The following ABCA10 variants were observed in gnomAD, a reference collection of about 807,000 sequenced individuals.
ABCA10 encodes ATP-binding cassette sub-family A member 10.
Under a neutral mutation model 187.5 loss-of-function variants are expected in ABCA10, and 169 were observed. That is an observed-to-expected ratio of 0.90 (90% CI 0.80 to 1.02). The LOEUF (loss-of-function observed/expected upper bound fraction) is 1.02. ABCA10 is among the 50% of genes least tolerant of loss of function. The pLI, the probability that ABCA10 is intolerant of heterozygous loss-of-function variation, is 0.00. For missense variants in ABCA10, 1,727 were observed against 1,812.4 expected (o/e 0.95, Z 0.86); for synonymous variants, 574 against 601.8 (o/e 0.95, Z 0.68).
chr17:69,174,795 G>A lies in ABCA10; in HGVS notation c.2878-18C>T. The A allele has an allele frequency of 6.5e-7, 1 of 1,537,854 alleles. No homozygotes were observed. Among genetic ancestry groups the A allele is most frequent in the East Asian group, 2.3e-5 (1 of 44,178 alleles). ...ACATTTTTCTGACAAAGAATAGAAG[G>A]GATAGAGGAAGGGATCTTAGTTTGA... is the stretch of plus-strand genomic sequence containing the variant. On this transcript the variant is annotated intron_variant, in intron 23 of 38. Transcript: ENST00000690296.
chr17:69,174,870 A>C (rs1322540095), intron 23 of ABCA10, 93 bp from the exon 24 acceptor site: 1 of 1,118,778 alleles, frequency 8.9e-7, no homozygotes, highest in Non-Finnish European at 1.2e-6. Context: ...TTTTAGAAAT[A>C]GTATGTTATA....
intron 27 of ABCA10, among the ~76,000 whole-genome samples, chr17:69,160,998 T>C (rs2074213400): frequency 6.6e-6 from 1 of 152,204 alleles, no homozygotes; most frequent in Non-Finnish European, 1.5e-5. Context: ...GTAGAAGTAA[T>C]GCAAATGTTT....
At chr17:69,222,484 A>T in intron 4 of ABCA10, 49 bp downstream of exon 4, 1 of 1,392,694 alleles carries the variant, frequency 7.2e-7, no homozygotes, top group Admixed American at 2.6e-5. Flanking sequence ...CAAACAGGGG[A>T]TTCCATGAAG....
chr17:69,241,872 A>G (rs1399732393), intron 1 of ABCA10, among the ~76,000 whole-genome samples: 2 of 152,228 alleles, frequency 1.3e-5, no homozygotes, highest in Non-Finnish European at 2.9e-5. Flanking sequence ...ACAATAAAAT[A>G]TTTGTGAATA....
chr17:69,167,951 T>C (rs1287569405), intron 25 of ABCA10, among the ~76,000 whole-genome samples: 1 of 152,112 alleles, frequency 6.6e-6, no homozygotes, highest in Non-Finnish European at 1.5e-5. Context: ...TCCACCTCTT[T>C]CACCTCTGAC....
intron 25 of ABCA10, among the ~76,000 whole-genome samples, chr17:69,170,117 G>A (rs2074286206): frequency 6.6e-6 from 1 of 151,842 alleles, no homozygotes; most frequent in Non-Finnish European, 1.5e-5. Context: ...GTGAAACTCT[G>A]TCTTTATTAA....
intron 27 of ABCA10, among the ~76,000 whole-genome samples, chr17:69,159,564 CAGAG>C (rs1282861772): frequency 2.0e-5 from 3 of 152,054 alleles, no homozygotes; most frequent in African/African-American, 7.2e-5. Flanking sequence ...ATTCATCACT[CAGAG>C]AGAAGCAACA....
chr17:69,184,916 TACACACACACACAC>T (rs142309537), intron 20 of ABCA10, among the ~76,000 whole-genome samples: 1 of 141,556 alleles, frequency 7.1e-6, no homozygotes, highest in Non-Finnish European at 1.6e-5. Context: ...ACTTTTTAAA[TACACACACACACAC>T]ACACACACAC....
In ABCA10 at chr17:69,162,976, T is replaced by C. The variant is rs181519766; in HGVS notation, c.3363+1098A>G. On this transcript the variant is annotated intron_variant, in intron 27 of 38. Transcript: ENST00000690296. ...CCTCAGCCTCCCGAGTAGCTGGAAT[T>C]ACAGGCACATGCCAGCACGCCCAGC... Among the ~76,000 whole-genome samples the C allele has an allele frequency of 4.1e-3, 627 of 152,022 alleles. 2 individuals carry two copies. The highest frequency in any genetic ancestry group is 0.014 in the African/African-American group (599 of 41,470).
chr17:69,182,706 T>C lies in ABCA10; in HGVS notation c.2600A>G (p.Asn867Ser), dbSNP rs1208106027. 3.1e-6 allele frequency: 5 copies of C among 1,610,300 alleles called. No individual in the cohort carries two copies. The highest frequency in any genetic ancestry group is 2.2e-5 in the East Asian group (1 of 44,816). ...GTCACCAGACACTATGATGGCTCCA[T>C]TGTAGGAGGGATCATCTGAGCCATT... is the stretch of plus-strand genomic sequence containing the variant. ...NRNGSDDPSY[N>S]GAIIVSGDQK... is the part of the protein sequence containing the mutation. The change falls in exon 21 of 39, where the codon AAT becomes AGT. Residue 867 changes from asparagine to serine, a missense_variant. Coordinates refer to ENST00000690296, the MANE Select transcript of ABCA10 (RefSeq NM_001377321.1).
rs111507740 is a variant in ABCA10, at chr17:69,182,269, A to G, written c.2653T>C (p.Cys885Arg). 1.9e-6 allele frequency: 3 copies of G among 1,569,056 alleles called. No individual in the cohort carries two copies. In the East Asian group the frequency reaches 7.0e-5, roughly 37 times the overall value. The change falls in exon 22 of 39, where the codon TGT becomes CGT. Residue 885 changes from cysteine to arginine, a missense_variant. Cys to Arg is a radical substitution (Grantham distance 180). Coordinates refer to ENST00000690296, the MANE Select transcript of ABCA10 (RefSeq NM_001377321.1). ...DQKDYRFSVA[C>R]NTKKLNCFPV... ...AAACAATTCAATTTCTTGGTATTAC[A>G]CGCAACAGAAAATCTGTAATCCTTG...
intron 20 of ABCA10, 38 bp downstream of exon 20, chr17:69,185,439 A>G: frequency 6.4e-7 from 1 of 1,567,500 alleles, no homozygotes; most frequent in Non-Finnish European, 8.7e-7. Context: ...GATCTTTGAT[A>G]ATAAAAACTC....
At chr17:69,212,154 G>A (rs998857344) in intron 9 of ABCA10, among the ~76,000 whole-genome samples, 4 of 152,052 alleles carry the variant, frequency 2.6e-5, no homozygotes, top group Non-Finnish European at 5.9e-5. Context: ...TTTCTGTATC[G>A]CAGGGGTTTT....
At position 69,193,224 on chromosome 17, in the gene ABCA10, C is replaced by G. The variant is rs1281306089; in HGVS notation, c.1666G>C (p.Ala556Pro). 1.2e-6 allele frequency: 2 copies of G among 1,613,714 alleles called. No homozygotes were observed. The highest frequency in any genetic ancestry group is 2.2e-5 in the South Asian group (2 of 91,004). ...PQVLLLDEPT[A>P]GLDPFSRHRV... ...TGTCTTGAAAAGGGATCCAATCCAG[C>G]AGTTGGTTCATCTAGCAGCAAAACC... Residue 556 changes from alanine (A) to proline (P), a missense_variant, in exon 15 of 39, where the codon GCT (alanine) becomes CCT (proline). By Grantham distance (27) the Ala-to-Pro change is conservative. Transcript: ENST00000690296.
intron 27 of ABCA10, among the ~76,000 whole-genome samples, chr17:69,162,903 ATC>A (rs1297222700): frequency 6.7e-5 from 10 of 148,256 alleles, no homozygotes; most frequent in Non-Finnish European, 1.5e-4. Flanking sequence ...CAATGGCACA[ATC>A]TCAGCTCACT....
intron 22 of ABCA10, among the ~76,000 whole-genome samples, chr17:69,180,068 C>A (rs556871134): frequency 6.6e-6 from 1 of 151,962 alleles, no homozygotes; most frequent in Non-Finnish European, 1.5e-5. Context: ...CATGGTTGTG[C>A]GATACATTAA....
intron 3 of ABCA10, among the ~76,000 whole-genome samples, chr17:69,224,634 A>G (rs1555664735): frequency 6.6e-6 from 1 of 151,686 alleles, no homozygotes; most frequent in Non-Finnish European, 1.5e-5. Context: ...AGCATCCTAC[A>G]TAACATAGAG....
chr17:69,174,728 T>C lies in ABCA10; in HGVS notation c.2927A>G (p.Tyr976Cys), dbSNP rs1317604235. The part of the protein sequence containing the change: ...LWISGLWPSA[Y>C]WCGQALVDIP... ...GTCCACCAGAGCCTGTCCACACCAG[T>C]ATGCTGAAGGCCAGAGGCCTGAAAT... The change falls in exon 24 of 39, where the codon TAC (tyrosine) becomes TGC (cysteine). Residue 976 changes from tyrosine (Y) to cysteine (C), a missense_variant. Tyr to Cys is a radical substitution (Grantham distance 194). Transcript: ENST00000690296. The C allele has an allele frequency of 1.1e-5, 17 of 1,607,490 alleles. No individual in the cohort carries two copies. Among genetic ancestry groups the C allele is most frequent in the Non-Finnish European group, 1.4e-5 (16 of 1,176,974 alleles).
chr17:69,216,236 C>A lies in ABCA10; in HGVS notation c.653G>T (p.Ser218Ile). 6.2e-7 allele frequency: 1 copy of A among 1,613,060 alleles called. No homozygotes were observed. The highest frequency in any genetic ancestry group is 8.5e-7 in the Non-Finnish European group (1 of 1,179,574). ...ACTCACCAAAGAAAGGCCATATAAG[C>A]TATAGAGTGTGAATATCACCATGAA... ...TGFMVIFTLYSLYGLSLIALA... is the reference protein window; with the variant it reads ...TGFMVIFTLYILYGLSLIALA... Residue 218 changes from serine to isoleucine, a missense_variant, in exon 7 of 39, where the codon AGC (serine) becomes ATC (isoleucine). By Grantham distance (142) the Ser-to-Ile change is moderately radical. Coordinates refer to ENST00000690296, the MANE Select transcript of ABCA10 (RefSeq NM_001377321.1).
Sources: allele counts gnomAD v4.1 joint callset (sites outside exome capture counted in the v4.1 genomes callset), GRCh38; gene constraint gnomAD v4.1.1; transcripts MANE v1.5; gene names NCBI Gene and HGNC (gene_info 2026-07-23, HGNC 2026-07-21).